MAN1A2: variants seen among roughly 807,000 people sequenced by gnomAD.
The protein encoded by MAN1A2 is mannosidase alpha class 1A member 2, also known as mannosyl-oligosaccharide 1,2-alpha-mannosidase IB.
In MAN1A2, 26 loss-of-function variants were observed where a neutral mutation model predicts 75.7. That is an observed-to-expected ratio of 0.34 (90% CI 0.25 to 0.48). The LOEUF (loss-of-function observed/expected upper bound fraction) is 0.48. Ranked by LOEUF, MAN1A2 falls within the 20% of genes least tolerant of loss-of-function variation. MAN1A2 has a pLI of 0.99. For synonymous variants in MAN1A2, 247 were observed against 264.6 expected (o/e 0.93, Z 0.65); for missense variants, 562 against 775.5 (o/e 0.72, Z 3.27).
chr1:117,499,119 A>G (rs972392069), intron 10 of MAN1A2, among the ~76,000 whole-genome samples: 3 of 151,944 alleles, frequency 2.0e-5, no homozygotes, highest in East Asian at 1.9e-4. Flanking sequence ...TCTTTTTGGT[A>G]GAATTAGATT....
At chr1:117,478,616 AT>A (rs928467632) in intron 8 of MAN1A2, among the ~76,000 whole-genome samples, 4 of 151,776 alleles carry the variant, frequency 2.6e-5, no homozygotes, top group East Asian at 1.9e-4. Context: ...ATCAAAGTTT[AT>A]TTTTTTTACA....
At chr1:117,426,715 C>T (rs1648385662) in intron 5 of MAN1A2, among the ~76,000 whole-genome samples, 1 of 152,114 alleles carries the variant, frequency 6.6e-6, no homozygotes, top group Admixed American at 6.6e-5. Flanking sequence ...CTACTGAATA[C>T]TTATTGCTTT....
intron 6 of MAN1A2, among the ~76,000 whole-genome samples, chr1:117,443,058 A>G (rs1203652949): frequency 6.6e-6 from 1 of 152,194 alleles, no homozygotes; most frequent in African/African-American, 2.4e-5. Flanking sequence ...TTTTTCTCCT[A>G]GTAAAATTTA....
chr1:117,389,359 C>G (rs1271456745), intron 1 of MAN1A2, among the ~76,000 whole-genome samples: 1 of 152,170 alleles, frequency 6.6e-6, no homozygotes, highest in Non-Finnish European at 1.5e-5. Flanking sequence ...TGTTCCACTT[C>G]AGATCACCAT....
chr1:117,488,194 C>T lies in MAN1A2; in HGVS notation c.1169-4953C>T, dbSNP rs147596702. ...ATGGAAAATAAAGAATATCATTAATCTTAGTTGAAAGCAAATGGCTTTTTT... is the reference window on the plus strand; with the variant it reads ...ATGGAAAATAAAGAATATCATTAATTTTAGTTGAAAGCAAATGGCTTTTTT... On this transcript the variant is annotated intron_variant, in intron 8 of 12. Transcript: ENST00000356554. Among the ~76,000 whole-genome samples the T allele has an allele frequency of 6.8e-3, 1,020 of 149,404 alleles. 6 individuals carry two copies. The highest frequency in any genetic ancestry group is 0.024 in the African/African-American group (964 of 40,916).
chr1:117,499,569 A>G lies in MAN1A2; in HGVS notation c.1677+15A>G. ...AAGCAGCACTGGTAAATAAGCCAATATTCCATTTTATCTGCAAGAGTGTTA... is the reference window on the plus strand; with the variant it reads ...AAGCAGCACTGGTAAATAAGCCAATGTTCCATTTTATCTGCAAGAGTGTTA... On this transcript the variant is annotated intron_variant, in intron 11 of 12. Transcript: ENST00000356554. 3.8e-6 allele frequency: 6 copies of G among 1,581,124 alleles called. No individual in the cohort carries two copies. The highest frequency in any genetic ancestry group is 1.2e-5 in the South Asian group (1 of 86,006).
chr1:117,382,007 T>A (rs1653360757), intron 1 of MAN1A2, among the ~76,000 whole-genome samples: 1 of 152,014 alleles, frequency 6.6e-6, no homozygotes, highest in Non-Finnish European at 1.5e-5. Flanking sequence ...TCTGTTCATA[T>A]CCTTTGCCCA....
chr1:117,436,233 C>T (rs988563055), intron 5 of MAN1A2, among the ~76,000 whole-genome samples: 5 of 152,096 alleles, frequency 3.3e-5, no homozygotes, highest in African/African-American at 1.2e-4. Flanking sequence ...GTGGCTCCTA[C>T]AGGAAGCAAA....
At chr1:117,472,808 T>G (rs557653697) in intron 8 of MAN1A2, among the ~76,000 whole-genome samples, 112 of 152,134 alleles carry the variant, frequency 7.4e-4, no homozygotes, top group Admixed American at 3.5e-3. Flanking sequence ...TCTTAAAACA[T>G]GAGATTTTTT....
intron 3 of MAN1A2, among the ~76,000 whole-genome samples, chr1:117,406,087 T>C (rs1263283487): frequency 6.6e-6 from 1 of 152,164 alleles, no homozygotes; most frequent in African/African-American, 2.4e-5. Context: ...CAGTGGGTTA[T>C]GTTGTACATT....
intron 7 of MAN1A2, among the ~76,000 whole-genome samples, chr1:117,464,313 C>G (rs773004605): frequency 7.0e-6 from 1 of 142,216 alleles, no homozygotes; most frequent in Non-Finnish European, 1.5e-5. Flanking sequence ...GAACTGAGAT[C>G]GAGCCATTGC....
rs1472091180 is a variant in MAN1A2, at chr1:117,493,259, T to C, written c.1281T>C (p.Ile427=). Residue 427 remains isoleucine (I), a synonymous_variant, in exon 9 of 13, where the codon ATT becomes ATC. Transcript: ENST00000356554. ...CAAGAAAGATGTATGATGATGCTAT[T>C]GAGGTGATTATTTCCAGAACATTTT... is the stretch of plus-strand genomic sequence containing the variant. ...HEARKMYDDA[I]EAIEKHLIKK... is the part of the protein sequence containing the mutation. 1 of 1,589,806 alleles carries C rather than the reference T, an allele frequency of 6.3e-7. No individual in the cohort carries two copies. Among genetic ancestry groups the C allele is most frequent in the Non-Finnish European group, 8.6e-7 (1 of 1,158,668 alleles).
At chr1:117,458,525 T>TA (rs1557959206) in intron 6 of MAN1A2, among the ~76,000 whole-genome samples, 3,387 of 42,990 alleles carry the variant, frequency 0.079, 72 homozygotes, top group African/African-American at 0.11. Context: ...ATATATATAT[T>TA]TTTTTTTTTT....
chr1:117,379,235 T>G (rs1235055766), intron 1 of MAN1A2, among the ~76,000 whole-genome samples: 1 of 151,964 alleles, frequency 6.6e-6, no homozygotes, highest in Non-Finnish European at 1.5e-5. Context: ...TATTGAAGAG[T>G]CTGTTTTTTT....
intron 5 of MAN1A2, among the ~76,000 whole-genome samples, chr1:117,425,816 C>G (rs550926702): frequency 2.0e-5 from 3 of 152,280 alleles, no homozygotes; most frequent in African/African-American, 7.2e-5. Flanking sequence ...TAGTACATTG[C>G]TACCACTTTT....
chr1:117,466,283 C>A, intron 7 of MAN1A2, 51 bp from the exon 8 acceptor site: 2 of 1,215,454 alleles, frequency 1.6e-6, no homozygotes, highest in South Asian at 1.3e-5. Flanking sequence ...AAAACCAAGC[C>A]TTGATGACAC....
intron 10 of MAN1A2, among the ~76,000 whole-genome samples, chr1:117,498,354 A>G (rs1651098457): frequency 6.6e-6 from 1 of 151,894 alleles, no homozygotes; most frequent in Non-Finnish European, 1.5e-5. Context: ...GACCTAAAAT[A>G]ATTGAATTTC....
chr1:117,383,431 C>CT (rs1297594299), intron 1 of MAN1A2, among the ~76,000 whole-genome samples: 3 of 152,062 alleles, frequency 2.0e-5, no homozygotes, highest in African/African-American at 4.8e-5. Flanking sequence ...CTTGGAATGT[C>CT]TTTGGCTAGC....
chr1:117,370,412 C>G (rs1053728882), intron 1 of MAN1A2, among the ~76,000 whole-genome samples: 9 of 152,136 alleles, frequency 5.9e-5, no homozygotes, highest in Non-Finnish European at 1.2e-4. Context: ...GTTCAGGTGG[C>G]AAAGGATCCT....
Sources: gnomAD v4.1 joint callset for allele counts (sites outside exome capture counted in the v4.1 genomes callset) on GRCh38, gnomAD v4.1.1 for gene constraint, MANE v1.5 for transcripts, NCBI Gene and HGNC (gene_info 2026-07-23, HGNC 2026-07-21) for gene names.